Variants in PLXDC2 observed in about 807,000 individuals in gnomAD.
The protein encoded by PLXDC2 is plexin domain containing 2, also known as plexin domain-containing protein 2.
A neutral mutation model predicts 68.9 loss-of-function variants in PLXDC2; 40 were observed. The observed-to-expected ratio is 0.58, with a 90% confidence interval of 0.45 to 0.76. The LOEUF is 0.76. Ranked by LOEUF, PLXDC2 falls within the 30% of genes least tolerant of loss-of-function variation. PLXDC2 has a pLI of 0.00. For missense variants in PLXDC2, 644 were observed against 661.9 expected, an observed-to-expected ratio of 0.97 and a Z score of 0.30; for synonymous variants, 243 against 234.2, an observed-to-expected ratio of 1.04 and a Z score of -0.34.
chr10:20,143,300 A>G lies in PLXDC2; in HGVS notation c.547A>G (p.Ile183Val). ...TCCTATTTTTCTAATTCTAGGTTTC[A>G]TATACACTGGAGAAGTCGTACATCG... Reference protein sequence around the residue: ...REITVATGGFIYTGEVVHRML... With the variant: ...REITVATGGFVYTGEVVHRML... Residue 183 changes from isoleucine to valine, a missense_variant, in exon 5 of 14, where the codon ATA becomes GTA. Coordinates refer to ENST00000377252, the MANE Select transcript of PLXDC2 (RefSeq NM_032812.9). 1 of 1,611,718 alleles carries G rather than the reference A, an allele frequency of 6.2e-7. No individual in the cohort carries two copies. Among genetic ancestry groups the G allele is most frequent in the Non-Finnish European group, 8.5e-7 (1 of 1,178,516 alleles).
intron 9 of PLXDC2, among the ~76,000 whole-genome samples, chr10:20,206,723 T>C (rs1011872330): frequency 3.9e-5 from 6 of 152,116 alleles, no homozygotes; most frequent in South Asian, 4.1e-4. Flanking sequence ...GTTAGACCTA[T>C]GAATTTGCAT....
In PLXDC2 at chr10:20,121,296, G is replaced by C. The variant is rs138059514; in HGVS notation, c.542-21999G>C. On this transcript the variant is annotated intron_variant, in intron 4 of 13. Coordinates refer to ENST00000377252, the MANE Select transcript of PLXDC2 (RefSeq NM_032812.9). ...TAGGCTAAAACAGGTCAAGTTGTTTGCACAGAAAGGCTACAGGGTGTGGTC... is the reference window on the plus strand; with the variant it reads ...TAGGCTAAAACAGGTCAAGTTGTTTCCACAGAAAGGCTACAGGGTGTGGTC... Among the ~76,000 whole-genome samples, 1,260 of 152,270 alleles carry C rather than the reference G, an allele frequency of 8.3e-3. 8 individuals are homozygous for C. Among genetic ancestry groups the C allele is most frequent in the Middle Eastern group, 0.014 (4 of 294 alleles).
chr10:19,915,988 G>T (rs370664027), intron 1 of PLXDC2, among the ~76,000 whole-genome samples: 3 of 152,146 alleles, frequency 2.0e-5, no homozygotes, highest in African/African-American at 4.8e-5. Context: ...TAACAGCCAG[G>T]TGGTGCTTTC....
chr10:20,088,543 T>A (rs1400256484), intron 4 of PLXDC2, among the ~76,000 whole-genome samples: 1 of 152,160 alleles, frequency 6.6e-6, no homozygotes, highest in Non-Finnish European at 1.5e-5. Flanking sequence ...AAAGGCATGA[T>A]CTTTGTACCC....
At chr10:19,895,007 G>A (rs1244108771) in intron 1 of PLXDC2, among the ~76,000 whole-genome samples, 1 of 152,198 alleles carries the variant, frequency 6.6e-6, no homozygotes, top group Non-Finnish European at 1.5e-5. Flanking sequence ...GTTCACAGTA[G>A]TAAAGTCTTG....
rs1024887679 is a variant in PLXDC2 at position 20,280,399 on chromosome 10, C to G, written c.*580C>G. ...GGATGTTGTTTTTCTGGTCTAGATC[C>G]ATCTGTACCAACAAGTTCATCACTT... On this transcript the variant is annotated 3_prime_UTR_variant, in exon 14 of 14. Coordinates refer to ENST00000377252, the MANE Select transcript of PLXDC2 (RefSeq NM_032812.9). 6.6e-6 allele frequency: 1 copy of G among 152,418 alleles called. No individual in the cohort carries two copies. The highest frequency in any genetic ancestry group is 2.4e-5 in the African/African-American group (1 of 41,438). The allele number at this position is 152,418 out of a possible 1,614,324, so 9.4% of individuals were successfully genotyped here.
chr10:20,172,230 G>GA (rs571463676), intron 7 of PLXDC2, among the ~76,000 whole-genome samples: 61,536 of 110,542 alleles, frequency 0.56, 16,572 homozygotes, highest in East Asian at 0.96. Context: ...TTGTGAAAAG[G>GA]AAAAAAAAAA....
chr10:20,217,419 T>C lies in PLXDC2; in HGVS notation c.1123-7T>C. The C allele has an allele frequency of 1.2e-6, 2 of 1,603,610 alleles. No homozygotes were observed. Among genetic ancestry groups the C allele is most frequent in the Non-Finnish European group, 1.7e-6 (2 of 1,175,174 alleles). On this transcript the variant is annotated splice_polypyrimidine_tract_variant and splice_region_variant and intron_variant, in intron 10 of 13. Coordinates refer to ENST00000377252, the MANE Select transcript of PLXDC2 (RefSeq NM_032812.9). ...CCATTTGTTTTCCTTTTCTTTTCTC[T>C]TACTAGTCAAAAGAGAAGATGTGTG...
intron 1 of PLXDC2, among the ~76,000 whole-genome samples, chr10:19,967,537 TAAGAG>T (rs906127613): frequency 3.3e-5 from 5 of 152,004 alleles, no homozygotes; most frequent in African/African-American, 1.2e-4. Context: ...ATAAACATAC[TAAGAG>T]AAAACAATTA....
chr10:20,185,055 C>G (rs553079703), intron 9 of PLXDC2, among the ~76,000 whole-genome samples: 1 of 146,164 alleles, frequency 6.8e-6, no homozygotes. Flanking sequence ...GCATGCGGGG[C>G]TTAAAACCTA....
intron 1 of PLXDC2, among the ~76,000 whole-genome samples, chr10:19,906,619 T>A (rs948634558): frequency 6.6e-6 from 1 of 152,094 alleles, no homozygotes; most frequent in Non-Finnish European, 1.5e-5. Context: ...TTGGTTTGCA[T>A]ATCACAGGTG....
intron 9 of PLXDC2, among the ~76,000 whole-genome samples, chr10:20,206,555 A>G (rs1421529562): frequency 6.6e-6 from 1 of 152,074 alleles, no homozygotes; most frequent in African/African-American, 2.4e-5. Context: ...CTGTGCTTAG[A>G]GCAAAAGGAG....
intron 4 of PLXDC2, among the ~76,000 whole-genome samples, chr10:20,080,852 C>T (rs1589619416): frequency 6.6e-6 from 1 of 152,196 alleles, no homozygotes; most frequent in East Asian, 1.9e-4. Context: ...AGGAGATCCG[C>T]CCATCTGGGG....
In PLXDC2 at chr10:20,098,078, G is replaced by C. The variant is rs186345469; in HGVS notation, c.541+29839G>C. ...CTATCAGTTTTATTGTTTTATTTGT[G>C]GGGGGCGGTACGGCTGCTGTAACAA... On this transcript the variant is annotated intron_variant, in intron 4 of 13. Transcript: ENST00000377252. Among the ~76,000 whole-genome samples the C allele has an allele frequency of 2.8e-4, 43 of 151,766 alleles. No individual in the cohort carries two copies. In the South Asian group the frequency reaches 4.2e-3, roughly 15 times the overall value.
chr10:20,065,152 G>A (rs1306538392), intron 3 of PLXDC2, among the ~76,000 whole-genome samples: 2 of 152,168 alleles, frequency 1.3e-5, no homozygotes, highest in African/African-American at 4.8e-5. Context: ...GAATATGGAA[G>A]CCATGACTGA....
At chr10:20,088,609 C>T (rs1224102899) in intron 4 of PLXDC2, among the ~76,000 whole-genome samples, 2 of 152,118 alleles carry the variant, frequency 1.3e-5, no homozygotes, top group Non-Finnish European at 2.9e-5. Flanking sequence ...TCATAATTTC[C>T]ACCTCATAGG....
chr10:20,124,184 C>A (rs2461929), intron 4 of PLXDC2, among the ~76,000 whole-genome samples: 103,868 of 151,952 alleles, frequency 0.68, 36,901 homozygotes, highest in African/African-American at 0.86. Context: ...TGCAATGATT[C>A]AACACCAGGG....
At chr10:20,193,369 G>T (rs1564348608) in intron 9 of PLXDC2, among the ~76,000 whole-genome samples, 4 of 152,040 alleles carry the variant, frequency 2.6e-5, no homozygotes, top group African/African-American at 9.7e-5. Flanking sequence ...TGACTATCTG[G>T]TTTTAAGCAG....
At chr10:19,997,524 C>G in intron 1 of PLXDC2, among the ~76,000 whole-genome samples, 1 of 152,144 alleles carries the variant, frequency 6.6e-6, no homozygotes, top group East Asian at 1.9e-4. Context: ...GTGGTTTCAC[C>G]TGTCTTATGT....
Sources: allele counts gnomAD v4.1 joint callset (sites outside exome capture counted in the v4.1 genomes callset), GRCh38; gene constraint gnomAD v4.1.1; transcripts MANE v1.5; gene names NCBI Gene and HGNC (gene_info 2026-07-23, HGNC 2026-07-21).